NFASC: variants seen among roughly 807,000 people sequenced by gnomAD.
NFASC encodes the protein neurofascin.
NFASC carries 43 observed loss-of-function variants against 147.5 expected under a neutral mutation model. That is an observed-to-expected ratio of 0.29 (90% confidence interval 0.23 to 0.38). The LOEUF is 0.38. Ranked by LOEUF, NFASC falls within the 10% of genes least tolerant of loss-of-function variation. The pLI is 1.00. For missense variants in NFASC, 1,320 were observed against 1,689.0 expected (o/e 0.78, Z 3.83); for synonymous variants, 622 against 665.5 (o/e 0.93, Z 1.01).
chr1:204,909,928 G>A (rs914038261), intron 1 of NFASC, among the ~76,000 whole-genome samples: 4 of 151,068 alleles, frequency 2.6e-5, no homozygotes, highest in African/African-American at 9.7e-5. Flanking sequence ...TTTTAATTAT[G>A]TTCCATTGAT....
At chr1:204,933,145 G>A (rs1029095288) in intron 2 of NFASC, among the ~76,000 whole-genome samples, 4 of 152,142 alleles carry the variant, frequency 2.6e-5, no homozygotes, top group Non-Finnish European at 1.5e-5. Flanking sequence ...ATATGAAAGG[G>A]TTTTCAGAGG....
At position 205,017,617 on chromosome 1, in the gene NFASC, G is replaced by T. The variant is rs188505665; in HGVS notation, c.*1078G>T. The T allele has an allele frequency of 3.3e-5, 5 of 152,868 alleles. No individual in the cohort carries two copies. The highest frequency in any genetic ancestry group is 1.2e-4 in the African/African-American group (5 of 41,592). The allele number at this position is 152,868 out of a possible 1,614,324, so 9.5% of individuals were successfully genotyped here. ...CACCCTCGAGGAGATGGAACCCTGT[G>T]ATGCAAAAGCTTTGCTGGTGTGTTT... On this transcript the variant is annotated 3_prime_UTR_variant, in exon 30 of 30. Coordinates refer to ENST00000339876, the MANE Select transcript of NFASC (RefSeq NM_001005388.3).
intron 1 of NFASC, among the ~76,000 whole-genome samples, chr1:204,837,100 T>C (rs973985467): frequency 6.6e-6 from 1 of 152,248 alleles, no homozygotes; most frequent in East Asian, 1.9e-4. Context: ...AAGCTAGTTC[T>C]GGCAAAACCC....
intron 1 of NFASC, among the ~76,000 whole-genome samples, chr1:204,836,498 C>T (rs1021176168): frequency 6.6e-6 from 1 of 152,200 alleles, no homozygotes; most frequent in African/African-American, 2.4e-5. Context: ...TATTTGGGGG[C>T]ACCACCAATG....
chr1:205,006,357 G>A (rs759646271), intron 27 of NFASC, among the ~76,000 whole-genome samples: 4 of 152,226 alleles, frequency 2.6e-5, no homozygotes, highest in African/African-American at 4.8e-5. Context: ...CAGGACCCAG[G>A]AAATAGAACA....
In NFASC at chr1:205,001,262, G is replaced by C; in HGVS notation, c.3112G>C (p.Asp1038His). 6.2e-7 allele frequency: 1 copy of C among 1,611,878 alleles called. No individual in the cohort carries two copies. The highest frequency in any genetic ancestry group is 8.5e-7 in the Non-Finnish European group (1 of 1,178,862). The change falls in exon 26 of 30, where the codon GAC becomes CAC. Residue 1038 changes from aspartate (D) to histidine (H), a missense_variant. Asp to His is a moderately conservative substitution (Grantham distance 81, BLOSUM62 -1). This residue lies in a region of NFASC where 172 missense variants were observed against 165.8 expected (regional missense o/e 1.04). Coordinates refer to ENST00000339876, the MANE Select transcript of NFASC (RefSeq NM_001005388.3). ...GAAGCACAATTTCGGGCCCGGAACT[G>C]ACTTTGTGGTTGAGTACATCGACAG... ...TWKHNFGPGTDFVVEYIDSNH... is the reference protein window; with the variant it reads ...TWKHNFGPGTHFVVEYIDSNH...
intron 21 of NFASC, among the ~76,000 whole-genome samples, chr1:204,982,249 C>A (rs1228266889): frequency 1.3e-5 from 2 of 152,214 alleles, no homozygotes; most frequent in Admixed American, 6.5e-5. Flanking sequence ...GTCCAGAATT[C>A]TCATTTCACA....
In NFASC at chr1:204,987,919, C is replaced by G. The variant is rs777664948; in HGVS notation, c.2593+379C>G. ...TAGATAGTATACTCACAGGAGTCCA[C>G]AGTCAGGACACCCCTTGACAAGATG... On this transcript the variant is annotated intron_variant, in intron 22 of 29. Transcript: ENST00000339876. The surrounding 1 kb of genome is among the most constrained non-coding windows in gnomAD (Gnocchi z 4.4). Among the ~76,000 whole-genome samples the G allele has an allele frequency of 2.0e-5, 3 of 151,898 alleles. No individual in the cohort carries two copies. The highest frequency in any genetic ancestry group is 4.4e-5 in the Non-Finnish European group (3 of 67,946).
At chr1:204,881,316 G>A (rs1478933529) in intron 1 of NFASC, among the ~76,000 whole-genome samples, 2 of 152,244 alleles carry the variant, frequency 1.3e-5, no homozygotes, top group Admixed American at 6.5e-5. Flanking sequence ...GTGGCAGGTA[G>A]GGCACAGTTC....
At chr1:204,871,460 G>A (rs1411414083) in intron 1 of NFASC, among the ~76,000 whole-genome samples, 3 of 152,178 alleles carry the variant, frequency 2.0e-5, no homozygotes, top group African/African-American at 4.8e-5. Flanking sequence ...TTTTAGAGGA[G>A]GGAGACTCAG....
At chr1:204,980,274 A>G (rs138643381) in intron 19 of NFASC, 96 bp from the exon 20 acceptor site, 1 of 887,394 alleles carries the variant, frequency 1.1e-6, no homozygotes, top group Non-Finnish European at 1.9e-6. Flanking sequence ...AAGACAGAGC[A>G]TAGAACAGAC....
rs12140953 is a variant in NFASC at position 204,935,810 on chromosome 1, C to G, written c.-90-8416C>G. On this transcript the variant is annotated intron_variant, in intron 2 of 29. Transcript: ENST00000339876. ...TAGCCTGGCGTGTTCCTCCTCACACCCATGTCTTGCCGTTGCCCCCGTGCA... is the reference window on the plus strand; with the variant it reads ...TAGCCTGGCGTGTTCCTCCTCACACGCATGTCTTGCCGTTGCCCCCGTGCA... Among the ~76,000 whole-genome samples, 578 of 152,280 alleles carry G rather than the reference C, an allele frequency of 3.8e-3. 5 individuals are homozygous for G. The highest frequency in any genetic ancestry group is 6.0e-3 in the Non-Finnish European group (410 of 68,028).
chr1:204,990,812 C>T (rs1574228797), intron 23 of NFASC, among the ~76,000 whole-genome samples: 1 of 152,176 alleles, frequency 6.6e-6, no homozygotes, highest in African/African-American at 2.4e-5. Context: ...AAGACAGGAA[C>T]CATCCTTTTG....
chr1:204,900,454 A>G (rs2084310839), intron 1 of NFASC, among the ~76,000 whole-genome samples: 1 of 152,256 alleles, frequency 6.6e-6, no homozygotes, highest in Non-Finnish European at 1.5e-5. Context: ...GTATAAATGT[A>G]TTCATTTATT....
chr1:204,926,046 C>T (rs894202423), intron 2 of NFASC, among the ~76,000 whole-genome samples: 2 of 151,588 alleles, frequency 1.3e-5, no homozygotes, highest in Middle Eastern at 3.2e-3. Context: ...AGATAGAGAC[C>T]AGACAGTTTG....
chr1:205,012,608 C>T (rs1397331361), intron 28 of NFASC, 189 bp from the exon 29 acceptor site: 2 of 614,132 alleles, frequency 3.3e-6, no homozygotes, highest in African/African-American at 1.8e-5. Context: ...AAGGAGGAGG[C>T]AGAGTCAACT....
intron 1 of NFASC, among the ~76,000 whole-genome samples, chr1:204,863,300 A>C (rs1395542321): frequency 6.6e-6 from 1 of 152,184 alleles, no homozygotes; most frequent in African/African-American, 2.4e-5. Context: ...AAACTGTTTC[A>C]TGTCTTTGTC....
At chr1:204,938,651 C>G (rs1278521166) in intron 2 of NFASC, among the ~76,000 whole-genome samples, 1 of 152,184 alleles carries the variant, frequency 6.6e-6, no homozygotes. Flanking sequence ...GGTCTTCTAC[C>G]AGGCAGATCA....
At chr1:204,899,154 A>G (rs1275266778) in intron 1 of NFASC, among the ~76,000 whole-genome samples, 3 of 152,228 alleles carry the variant, frequency 2.0e-5, no homozygotes, top group Admixed American at 6.5e-5. Context: ...TACTGAAGCT[A>G]TTAAAAAAAG....
Sources: allele counts gnomAD v4.1 joint callset (sites outside exome capture counted in the v4.1 genomes callset), GRCh38; gene constraint gnomAD v4.1.1; regional missense constraint gnomAD v4.1.1; non-coding constraint Gnocchi (gnomAD v3.1); transcripts MANE v1.5; gene names NCBI Gene and HGNC (gene_info 2026-07-23, HGNC 2026-07-21).